Variants in LNPK observed in about 807,000 individuals in gnomAD.
The protein encoded by LNPK is lunapark, ER junction formation factor.
A neutral mutation model predicts 55.2 loss-of-function variants in LNPK; 29 were observed. That is an observed-to-expected ratio of 0.53 (90% confidence interval 0.39 to 0.72). LNPK has a LOEUF of 0.72. Among genes scored for constraint, LNPK ranks in the 30% least tolerant of loss-of-function variants. LNPK has a pLI of 0.00. For missense variants in LNPK, 467 were observed against 494.8 expected, an observed-to-expected ratio of 0.94 and a Z score of 0.53; for synonymous variants, 162 against 168.2, an observed-to-expected ratio of 0.96 and a Z score of 0.29.
intron 5 of LNPK, among the ~76,000 whole-genome samples, chr2:175,973,363 A>G (rs1029319069): frequency 1.3e-5 from 2 of 152,214 alleles, no homozygotes; most frequent in Non-Finnish European, 2.9e-5. Flanking sequence ...TGAAATTCAC[A>G]TAACTGACAA....
Position 175,930,039 on chromosome 2 carries a change from G to C in LNPK, c.1215C>G (p.Thr405=). The change falls in exon 13 of 13, where the codon ACC becomes ACG. Residue 405 remains threonine (T), a synonymous_variant. Coordinates refer to ENST00000272748, the MANE Select transcript of LNPK (RefSeq NM_030650.3). The part of the protein sequence containing the change: ...TENEEASVIE[T]NSTVPGADSI... Reference sequence around the variant, plus strand: ...AATCAGCTCCAGGAACTGTGGAGTTGGTTTCAATCACTGAGGCTTCCTCAT... The same window carrying C: ...AATCAGCTCCAGGAACTGTGGAGTTCGTTTCAATCACTGAGGCTTCCTCAT... 1 of 1,614,024 alleles carries C rather than the reference G, an allele frequency of 6.2e-7. No homozygotes were observed. Among genetic ancestry groups the C allele is most frequent in the Non-Finnish European group, 8.5e-7 (1 of 1,179,932 alleles).
chr2:175,986,739 C>A (rs1390739019), intron 4 of LNPK, among the ~76,000 whole-genome samples: 2 of 151,870 alleles, frequency 1.3e-5, no homozygotes, highest in African/African-American at 4.8e-5. Context: ...AACAACCTTT[C>A]TTGATTAAAA....
intron 9 of LNPK, among the ~76,000 whole-genome samples, chr2:175,946,481 CA>C (rs2105560586): frequency 6.6e-6 from 1 of 152,114 alleles, no homozygotes; most frequent in South Asian, 2.1e-4. Flanking sequence ...GATTTGTATA[CA>C]TTTCATTTAT....
chr2:175,998,355 A>C (rs1041496452), intron 1 of LNPK, among the ~76,000 whole-genome samples: 2 of 150,348 alleles, frequency 1.3e-5, no homozygotes, highest in African/African-American at 4.9e-5. Flanking sequence ...GAGGCAGAGA[A>C]TTGCTTGAAC....
chr2:175,945,284 C>G lies in LNPK; in HGVS notation c.706+2196G>C, dbSNP rs182059035. ...CGGCACTTTGGGAGACCAAAGTGGG[C>G]AGATCACCTGAGGTCAGGAGTCTGA... On this transcript the variant is annotated intron_variant, in intron 9 of 12. Coordinates refer to ENST00000272748, the MANE Select transcript of LNPK (RefSeq NM_030650.3). Among the ~76,000 whole-genome samples, 484 of 150,482 alleles carry G rather than the reference C, an allele frequency of 3.2e-3. 2 individuals carry two copies. Among genetic ancestry groups the G allele is most frequent in the African/African-American group, 9.5e-3 (394 of 41,324 alleles).
intron 6 of LNPK, among the ~76,000 whole-genome samples, chr2:175,970,106 A>C (rs1686582672): frequency 6.6e-6 from 1 of 152,224 alleles, no homozygotes; most frequent in Admixed American, 6.5e-5. Context: ...AAAAATAATC[A>C]TTAAAAAATT....
chr2:175,972,626 T>C (rs556922608), intron 5 of LNPK, among the ~76,000 whole-genome samples: 1 of 152,318 alleles, frequency 6.6e-6, no homozygotes, highest in Admixed American at 6.5e-5. Flanking sequence ...TTCTCTATCA[T>C]CAAAACTGAT....
intron 5 of LNPK, among the ~76,000 whole-genome samples, chr2:175,973,656 T>A (rs946074484): frequency 6.6e-6 from 1 of 152,232 alleles, no homozygotes; most frequent in Non-Finnish European, 1.5e-5. Context: ...AAAGTTGTTC[T>A]GCAAAGACTT....
intron 6 of LNPK, among the ~76,000 whole-genome samples, chr2:175,965,284 A>G (rs1375354972): frequency 1.3e-5 from 2 of 152,336 alleles, no homozygotes; most frequent in East Asian, 1.9e-4. Flanking sequence ...GTAACGTTTT[A>G]TTTACCATGC....
intron 11 of LNPK, 107 bp from the exon 12 acceptor site, chr2:175,937,621 T>A (rs1363173851): frequency 1.4e-6 from 1 of 714,110 alleles, no homozygotes; most frequent in African/African-American, 1.8e-5. Flanking sequence ...AAGAACCTTT[T>A]AAAAGTTACT....
chr2:175,973,374 T>C (rs1574871820), intron 5 of LNPK, among the ~76,000 whole-genome samples: 1 of 152,192 alleles, frequency 6.6e-6, no homozygotes, highest in Non-Finnish European at 1.5e-5. Context: ...TAACTGACAA[T>C]GGTTAAGTCC....
chr2:175,958,964 G>A (rs1685851825), intron 8 of LNPK, among the ~76,000 whole-genome samples: 1 of 152,168 alleles, frequency 6.6e-6, no homozygotes, highest in South Asian at 2.1e-4. Context: ...ACAGAAGAAA[G>A]GGTATCAGTG....
intron 12 of LNPK, among the ~76,000 whole-genome samples, chr2:175,936,728 T>C (rs1430202041): frequency 6.6e-6 from 1 of 152,180 alleles, no homozygotes. Flanking sequence ...AATTGTAAGA[T>C]GAATTCTAAA....
intron 4 of LNPK, among the ~76,000 whole-genome samples, chr2:175,982,293 A>C (rs145746060): frequency 2.0e-5 from 3 of 152,316 alleles, no homozygotes; most frequent in African/African-American, 7.2e-5. Flanking sequence ...GGAAATGTAT[A>C]AATTTTCTTA....
chr2:175,943,345 A>C (rs1205366783), intron 9 of LNPK, among the ~76,000 whole-genome samples: 1 of 151,968 alleles, frequency 6.6e-6, no homozygotes, highest in Non-Finnish European at 1.5e-5. Context: ...AATTCTACAC[A>C]AATTGTCCAG....
chr2:175,990,305 G>C (rs142430267), intron 4 of LNPK, among the ~76,000 whole-genome samples: 2 of 152,236 alleles, frequency 1.3e-5, no homozygotes, highest in East Asian at 3.9e-4. Context: ...CTGTTAAAAA[G>C]AAACTGGCAC....
intron 2 of LNPK, chr2:175,994,347 C>T: frequency 1.0e-6 from 1 of 983,680 alleles, no homozygotes; most frequent in Non-Finnish European, 1.2e-6. Context: ...AAGGTCATAA[C>T]AGGGTCAATA....
intron 9 of LNPK, among the ~76,000 whole-genome samples, chr2:175,945,510 G>GAAAAAAAAAAAAAAAAAAAAAAAAAAAA: frequency 9.5e-6 from 1 of 105,086 alleles, no homozygotes; most frequent in Non-Finnish European, 1.9e-5. Context: ...TGTCTCAAAA[G>GAAAAAAAAAAAAAAAAAAAAAAAAAAAA]AAAAAAAAAA....
At chr2:175,945,429 C>T (rs1397943207) in intron 9 of LNPK, among the ~76,000 whole-genome samples, 2 of 149,430 alleles carry the variant, frequency 1.3e-5, no homozygotes, top group East Asian at 2.0e-4. Context: ...TGCTTGAACC[C>T]GTAAGGCAGA....
Sources: gnomAD v4.1 joint callset for allele counts (sites outside exome capture counted in the v4.1 genomes callset) on GRCh38, gnomAD v4.1.1 for gene constraint, MANE v1.5 for transcripts, NCBI Gene and HGNC (gene_info 2026-07-23, HGNC 2026-07-21) for gene names.